PRKCA: variants seen among roughly 807,000 people sequenced by gnomAD.
PRKCA encodes protein kinase C alpha.
PRKCA carries 27 observed loss-of-function variants against 87.0 expected under a neutral mutation model. That is an observed-to-expected ratio of 0.31 (90% CI 0.23 to 0.43). The LOEUF (loss-of-function observed/expected upper bound fraction) is 0.43, where lower values mean the gene tolerates loss of function less well. Ranked by LOEUF, PRKCA falls within the 20% of genes least tolerant of loss-of-function variation. PRKCA has a pLI of 1.00. For synonymous variants in PRKCA, 329 were observed against 311.1 expected, an observed-to-expected ratio of 1.06 and a Z score of -0.61; for missense variants, 518 against 852.3, an observed-to-expected ratio of 0.61 and a Z score of 4.88.
Position 66,487,417 on chromosome 17 carries a change from A to G in PRKCA, c.206-8784A>G, listed in dbSNP as rs570322008. 3.3e-5 allele frequency among the ~76,000 whole-genome samples: 5 copies of G among 152,260 alleles called. No individual in the cohort carries two copies. The East Asian group carries it at 9.6e-4, about 29-fold the overall frequency. On this transcript the variant is annotated intron_variant, in intron 2 of 16. Coordinates refer to ENST00000413366, the MANE Select transcript of PRKCA (RefSeq NM_002737.3). ...CATACTACGTCTTCCTTATCCATTC[A>G]TCTGTTGATGGGCATTAGGTTGATT...
intron 3 of PRKCA, among the ~76,000 whole-genome samples, chr17:66,550,807 G>A (rs1217811263): frequency 2.0e-5 from 3 of 152,226 alleles, no homozygotes; most frequent in African/African-American, 7.2e-5. Context: ...TGGAAAGGAA[G>A]CGACACATTC....
At chr17:66,479,628 G>A (rs562462894) in intron 2 of PRKCA, among the ~76,000 whole-genome samples, 40 of 152,224 alleles carry the variant, frequency 2.6e-4, no homozygotes, top group Admixed American at 4.6e-4. Context: ...TGATAGACTG[G>A]ATAAAGAAAA....
chr17:66,667,558 ACCTCCCACCAGGTC>A (rs1285296882), intron 5 of PRKCA, among the ~76,000 whole-genome samples: 2 of 152,094 alleles, frequency 1.3e-5, no homozygotes, highest in African/African-American at 2.4e-5. Flanking sequence ...TGACTCAGTT[ACCTCCCACCAGGTC>A]CCTCCCACAA....
At chr17:66,629,681 G>T (rs998400201) in intron 3 of PRKCA, among the ~76,000 whole-genome samples, 2 of 151,616 alleles carry the variant, frequency 1.3e-5, no homozygotes, top group Admixed American at 6.6e-5. Flanking sequence ...ACATTATTTG[G>T]TGCTAAAAAA....
chr17:66,652,686 C>T (rs375285452), intron 5 of PRKCA, among the ~76,000 whole-genome samples: 2 of 152,298 alleles, frequency 1.3e-5, no homozygotes, highest in South Asian at 4.2e-4. Flanking sequence ...CAACTTCACT[C>T]CCAAAAACTT....
intron 3 of PRKCA, among the ~76,000 whole-genome samples, chr17:66,508,813 T>G (rs373681486): frequency 4.1e-4 from 62 of 152,342 alleles, no homozygotes; most frequent in Middle Eastern, 3.4e-3. Flanking sequence ...CTATGAACTG[T>G]CTTTCATATT....
intron 2 of PRKCA, among the ~76,000 whole-genome samples, chr17:66,360,951 T>A (rs1908353932): frequency 6.6e-6 from 1 of 152,166 alleles, no homozygotes. Flanking sequence ...TCTGGTTTTA[T>A]GTATTGCTTT....
intron 3 of PRKCA, among the ~76,000 whole-genome samples, chr17:66,579,127 A>G (rs1354783907): frequency 6.6e-6 from 1 of 152,212 alleles, no homozygotes; most frequent in Non-Finnish European, 1.5e-5. Flanking sequence ...TGGCGCTGGC[A>G]CACAGCAGAG....
chr17:66,718,143 G>A (rs1385867177), intron 8 of PRKCA, among the ~76,000 whole-genome samples: 2 of 151,862 alleles, frequency 1.3e-5, no homozygotes, highest in Non-Finnish European at 2.9e-5. Context: ...TAAACTGCAT[G>A]GCTTACAAAC....
intron 3 of PRKCA, among the ~76,000 whole-genome samples, chr17:66,579,865 C>T (rs546111268): frequency 3.3e-5 from 5 of 152,036 alleles, no homozygotes; most frequent in Non-Finnish European, 5.9e-5. Flanking sequence ...AATTATACAC[C>T]GAAGGTTAAA....
intron 16 of PRKCA, among the ~76,000 whole-genome samples, chr17:66,793,687 T>C (rs1975598840): frequency 6.9e-6 from 1 of 144,336 alleles, no homozygotes; most frequent in Non-Finnish European, 1.5e-5. Flanking sequence ...CTGGAAAGGG[T>C]AATCTTCAGT....
intron 13 of PRKCA, among the ~76,000 whole-genome samples, chr17:66,759,313 G>A (rs905458637): frequency 4.0e-5 from 6 of 151,284 alleles, no homozygotes; most frequent in Non-Finnish European, 5.9e-5. Context: ...CCAAGATGGC[G>A]CCACTGCACT....
chr17:66,747,975 G>C (rs1280427008), intron 13 of PRKCA, among the ~76,000 whole-genome samples: 1 of 152,382 alleles, frequency 6.6e-6, no homozygotes, highest in South Asian at 2.1e-4. Flanking sequence ...GGGCCTTGGG[G>C]CTGGAGGCAG....
rs1904565403 is a variant in PRKCA at position 66,302,684 on chromosome 17, C to G, written c.-168C>G. The G allele has an allele frequency of 4.1e-6, 1 of 241,438 alleles. No individual in the cohort carries two copies. The highest frequency in any genetic ancestry group is 6.6e-6 in the Non-Finnish European group (1 of 151,956). The allele number at this position is 241,438 out of a possible 1,614,324, so 15.0% of individuals were successfully genotyped here. ...GCTCCCGCTCCGCGCAGCACCAGCC[C>G]GACTCTCCCCGGCCCCCGCCGCGCC... On this transcript the variant is annotated 5_prime_UTR_variant, in exon 1 of 17. Transcript: ENST00000413366.
intron 8 of PRKCA, among the ~76,000 whole-genome samples, chr17:66,690,044 C>T (rs1412894234): frequency 2.0e-5 from 3 of 151,768 alleles, no homozygotes; most frequent in Non-Finnish European, 4.4e-5. Flanking sequence ...AAGAAACATA[C>T]AGATCTGGGG....
intron 8 of PRKCA, among the ~76,000 whole-genome samples, chr17:66,690,350 G>A (rs571702114): frequency 2.0e-4 from 30 of 152,278 alleles, no homozygotes; most frequent in African/African-American, 6.5e-4. Context: ...GTGGAGACTG[G>A]GGTGAGCTGG....
At chr17:66,502,557 G>A (rs1156271558) in intron 3 of PRKCA, among the ~76,000 whole-genome samples, 1 of 151,894 alleles carries the variant, frequency 6.6e-6, no homozygotes, top group African/African-American at 2.4e-5. Context: ...CATTTTCTCT[G>A]TGTGTCTTAA....
intron 3 of PRKCA, among the ~76,000 whole-genome samples, chr17:66,564,662 C>T (rs1172144976): frequency 6.6e-6 from 1 of 152,102 alleles, no homozygotes; most frequent in Non-Finnish European, 1.5e-5. Context: ...GGCACTTTTT[C>T]TCCACAGTAG....
At chr17:66,534,318 G>C (rs918543913) in intron 3 of PRKCA, among the ~76,000 whole-genome samples, 1 of 152,074 alleles carries the variant, frequency 6.6e-6, no homozygotes, top group Non-Finnish European at 1.5e-5. Flanking sequence ...GATGAAGGTC[G>C]ATTCTTATCC....
Sources: gnomAD v4.1 joint callset for allele counts (sites outside exome capture counted in the v4.1 genomes callset) on GRCh38, gnomAD v4.1.1 for gene constraint, MANE v1.5 for transcripts, NCBI Gene and HGNC (gene_info 2026-07-23, HGNC 2026-07-21) for gene names.